PTPRT: variants seen among roughly 807,000 people sequenced by gnomAD.
The protein encoded by PTPRT is receptor-type tyrosine-protein phosphatase T.
In PTPRT, 56 loss-of-function variants were observed where a neutral mutation model predicts 176.8. The ratio of observed to expected loss-of-function variants is 0.32; its 90% CI spans 0.26 to 0.40. PTPRT has a LOEUF of 0.40. Ranked by LOEUF, PTPRT falls within the 10% of genes least tolerant of loss-of-function variation. The probability of loss-of-function intolerance (pLI) is 1.00; values close to 1 mark genes in which losing one functional copy is unlikely to be tolerated. For synonymous variants in PTPRT, 783 were observed against 739.0 expected (o/e 1.06, Z -0.96); for missense variants, 1,540 against 1,908.2 (o/e 0.81, Z 3.60).
At chr20:42,081,801 G>A in intron 30 of PTPRT, 81 bp downstream of exon 30, 1 of 1,526,704 alleles carries the variant, frequency 6.6e-7, no homozygotes, top group Non-Finnish European at 9.0e-7. Context: ...GTTGAGTGAT[G>A]TTACTATTTG....
intron 1 of PTPRT, among the ~76,000 whole-genome samples, chr20:43,187,733 T>G (rs2015429970): frequency 6.6e-6 from 1 of 152,166 alleles, no homozygotes; most frequent in African/African-American, 2.4e-5. Flanking sequence ...CCAAACCATA[T>G]TCCAGGATTT....
At chr20:42,132,671 G>A (rs6029990) in intron 18 of PTPRT, among the ~76,000 whole-genome samples, 2 of 152,220 alleles carry the variant, frequency 1.3e-5, no homozygotes, top group African/African-American at 4.8e-5. Context: ...CACCACCACA[G>A]GCTGGGGAGG....
Position 42,078,477 on chromosome 20 carries a change from G to T in PTPRT, c.*2402C>A, listed in dbSNP as rs1019811298. 3 of 206,936 alleles carry T rather than the reference G, an allele frequency of 1.4e-5. No individual in the cohort carries two copies. The highest frequency in any genetic ancestry group is 3.0e-5 in the Non-Finnish European group (3 of 101,196). The allele number at this position is 206,936 out of a possible 1,614,324, so 12.8% of individuals were successfully genotyped here. A position where few individuals can be genotyped will look rare whatever the true frequency, so the allele number is the denominator to read the frequency against. On this transcript the variant is annotated 3_prime_UTR_variant, in exon 31 of 31. Transcript: ENST00000373187. Reference sequence around the variant, plus strand: ...AAAACAATGAGCAGACAGACAAATAGATGTGATATTAAAAAGTGCACGCTT... The same window carrying T: ...AAAACAATGAGCAGACAGACAAATATATGTGATATTAAAAAGTGCACGCTT...
At chr20:43,072,207 C>A (rs963837491) in intron 1 of PTPRT, among the ~76,000 whole-genome samples, 1 of 152,154 alleles carries the variant, frequency 6.6e-6, no homozygotes, top group South Asian at 2.1e-4. Context: ...ACAATCCCTG[C>A]AACAAATTAA....
intron 7 of PTPRT, among the ~76,000 whole-genome samples, chr20:42,508,698 A>G (rs971393704): frequency 1.1e-4 from 16 of 151,744 alleles, no homozygotes; most frequent in African/African-American, 3.4e-4. Context: ...GTAGAGCTGA[A>G]ATTAGAACCC....
At chr20:43,126,078 G>A (rs553311263) in intron 1 of PTPRT, among the ~76,000 whole-genome samples, 9 of 152,188 alleles carry the variant, frequency 5.9e-5, no homozygotes, top group Non-Finnish European at 8.8e-5. Flanking sequence ...GACCGGGTGT[G>A]GTGGCTCATC....
intron 15 of PTPRT, among the ~76,000 whole-genome samples, chr20:42,212,336 T>A (rs2055660260): frequency 7.1e-6 from 1 of 141,828 alleles, no homozygotes; most frequent in Non-Finnish European, 1.5e-5. Context: ...AAAAAAGAGT[T>A]CAATGTGTTG....
intron 12 of PTPRT, among the ~76,000 whole-genome samples, chr20:42,291,008 T>C (rs1465718951): frequency 6.6e-6 from 1 of 152,150 alleles, no homozygotes; most frequent in African/African-American, 2.4e-5. Flanking sequence ...TTAACCCTGA[T>C]CCCATAGTTT....
intron 1 of PTPRT, among the ~76,000 whole-genome samples, chr20:43,029,465 G>T (rs1461903389): frequency 6.6e-6 from 1 of 152,208 alleles, no homozygotes; most frequent in Admixed American, 6.5e-5. Context: ...GTATCACGTA[G>T]CACTTCATTC....
intron 1 of PTPRT, among the ~76,000 whole-genome samples, chr20:42,916,470 G>T (rs571384268): frequency 1.1e-4 from 17 of 152,268 alleles, no homozygotes; most frequent in Admixed American, 4.6e-4. Flanking sequence ...AATCCTTTGG[G>T]TATATACCCA....
At chr20:42,941,248 T>C (rs1202792383) in intron 1 of PTPRT, among the ~76,000 whole-genome samples, 1 of 152,164 alleles carries the variant, frequency 6.6e-6, no homozygotes, top group Non-Finnish European at 1.5e-5. Context: ...AGCTTACCTC[T>C]CAGAGCTGCA....
intron 7 of PTPRT, among the ~76,000 whole-genome samples, chr20:42,639,436 C>T (rs1263138571): frequency 6.6e-6 from 1 of 152,126 alleles, no homozygotes; most frequent in African/African-American, 2.4e-5. Flanking sequence ...ACTGCCTTTG[C>T]ATGCAGCCTC....
chr20:43,042,777 C>T (rs2146215721), intron 1 of PTPRT, among the ~76,000 whole-genome samples: 1 of 151,090 alleles, frequency 6.6e-6, no homozygotes, highest in African/African-American at 2.4e-5. Context: ...CTCCCACCTG[C>T]CATCTTTCCA....
intron 9 of PTPRT, among the ~76,000 whole-genome samples, chr20:42,406,543 T>C (rs2145722036): frequency 6.6e-6 from 1 of 152,134 alleles, no homozygotes; most frequent in East Asian, 1.9e-4. Flanking sequence ...GATCCTTTTT[T>C]TTCCAAATGA....
At chr20:42,542,969 C>G (rs1374648438) in intron 7 of PTPRT, among the ~76,000 whole-genome samples, 4 of 152,140 alleles carry the variant, frequency 2.6e-5, no homozygotes, top group Non-Finnish European at 4.4e-5. Flanking sequence ...CTGAAAAATA[C>G]TTTGTTGCTG....
intron 2 of PTPRT, among the ~76,000 whole-genome samples, chr20:42,833,728 A>G (rs1487741970): frequency 6.6e-6 from 1 of 152,230 alleles, no homozygotes; most frequent in Non-Finnish European, 1.5e-5. Context: ...TGAAATTCTG[A>G]GGGATTGACA....
At chr20:43,164,612 G>C (rs1467647926) in intron 1 of PTPRT, among the ~76,000 whole-genome samples, 1 of 152,226 alleles carries the variant, frequency 6.6e-6, no homozygotes, top group African/African-American at 2.4e-5. Flanking sequence ...AACTAACACA[G>C]TGCCCACAAA....
In PTPRT at chr20:43,006,455, G is replaced by C. The variant is rs149814370; in HGVS notation, c.89-120523C>G. 4.1e-3 allele frequency among the ~76,000 whole-genome samples: 620 copies of C among 152,258 alleles called. 5 individuals are homozygous for C. The highest frequency in any genetic ancestry group is 0.014 in the African/African-American group (567 of 41,560). ...CTACAGAAACCCTCTACATCCTCCA[G>C]TTCTCCTGTATCTGCCTGCCTCTGT... On this transcript the variant is annotated intron_variant, in intron 1 of 30. Coordinates refer to ENST00000373187, the MANE Select transcript of PTPRT (RefSeq NM_007050.6).
chr20:42,938,453 A>T (rs1279427499), intron 1 of PTPRT, among the ~76,000 whole-genome samples: 1 of 152,114 alleles, frequency 6.6e-6, no homozygotes. Flanking sequence ...ACATTCACTG[A>T]CTTTTTTTCA....
Sources: gnomAD v4.1 joint callset for allele counts (sites outside exome capture counted in the v4.1 genomes callset) on GRCh38, gnomAD v4.1.1 for gene constraint, MANE v1.5 for transcripts, NCBI Gene and HGNC (gene_info 2026-07-23, HGNC 2026-07-21) for gene names.